The following SGCZ variants were observed in gnomAD, a reference collection of about 807,000 sequenced individuals.
The protein encoded by SGCZ is zeta-sarcoglycan.
In SGCZ, 40 loss-of-function variants were observed where a neutral mutation model predicts 41.3. The ratio of observed to expected loss-of-function variants is 0.97; its 90% CI spans 0.75 to 1.26. The LOEUF (loss-of-function observed/expected upper bound fraction) is 1.26. Among genes scored for constraint, SGCZ ranks in the 50% most tolerant of loss-of-function variants. The probability of loss-of-function intolerance (pLI) is 0.00; values close to 1 mark genes in which losing one functional copy is unlikely to be tolerated. For synonymous variants in SGCZ, 206 were observed against 137.5 expected (o/e 1.50, Z -3.49); for missense variants, 552 against 369.8 (o/e 1.49, Z -4.04).
At chr8:14,917,673 C>A (rs890658499) in intron 1 of SGCZ, among the ~76,000 whole-genome samples, 2 of 152,088 alleles carry the variant, frequency 1.3e-5, no homozygotes, top group Admixed American at 1.3e-4. Context: ...CCTATTTCTA[C>A]ACAAGTTTTC....
intron 3 of SGCZ, among the ~76,000 whole-genome samples, chr8:14,303,206 C>T (rs1000104323): frequency 1.3e-4 from 20 of 152,188 alleles, no homozygotes; most frequent in African/African-American, 2.4e-4. Context: ...TGCACCTCAA[C>T]GCATCCTTAA....
Position 14,995,122 on chromosome 8 carries a change from T to C in SGCZ, c.39+242463A>G, listed in dbSNP as rs371717419. On this transcript the variant is annotated intron_variant, in intron 1 of 7. Coordinates refer to ENST00000382080, the MANE Select transcript of SGCZ (RefSeq NM_139167.4). ...TGCTTGCAGAAGTCAATAAAGGGAG[T>C]GCCATCAGAGGCCTTGGGGCCATGG... is the stretch of plus-strand genomic sequence containing the variant. 8.5e-5 allele frequency among the ~76,000 whole-genome samples: 13 copies of C among 152,256 alleles called. No homozygotes were observed. In the East Asian group the frequency reaches 2.5e-3, roughly 29 times the overall value.
chr8:14,603,835 TC>T (rs1221973760), intron 1 of SGCZ, among the ~76,000 whole-genome samples: 1 of 152,154 alleles, frequency 6.6e-6, no homozygotes, highest in Admixed American at 6.5e-5. Context: ...TGTTTTGCAC[TC>T]CTCAGAAAAG....
At chr8:15,149,593 A>G (rs1162265399) in intron 1 of SGCZ, among the ~76,000 whole-genome samples, 2 of 152,074 alleles carry the variant, frequency 1.3e-5, no homozygotes, top group East Asian at 1.9e-4. Flanking sequence ...TAAAACAACA[A>G]TGAAATATCA....
intron 4 of SGCZ, among the ~76,000 whole-genome samples, chr8:14,168,204 A>C (rs1322915562): frequency 6.6e-6 from 1 of 152,206 alleles, no homozygotes; most frequent in African/African-American, 2.4e-5. Flanking sequence ...ATGAGATTCA[A>C]AATTACCAAC....
intron 2 of SGCZ, among the ~76,000 whole-genome samples, chr8:14,375,244 C>A (rs1487508163): frequency 6.6e-6 from 1 of 152,136 alleles, no homozygotes; most frequent in South Asian, 2.1e-4. Flanking sequence ...AACAGTTGTG[C>A]ACTGAATAAT....
At chr8:14,491,213 A>G (rs917047148) in intron 2 of SGCZ, among the ~76,000 whole-genome samples, 5 of 152,126 alleles carry the variant, frequency 3.3e-5, no homozygotes, top group African/African-American at 9.7e-5. Context: ...ACTCCTCCAA[A>G]GCCCTAATGG....
At chr8:14,230,454 C>T (rs1273106228) in intron 4 of SGCZ, among the ~76,000 whole-genome samples, 1 of 152,096 alleles carries the variant, frequency 6.6e-6, no homozygotes, top group African/African-American at 2.4e-5. Flanking sequence ...ATATTCCCCA[C>T]AGAAACCTGG....
At chr8:14,338,155 C>T (rs746844216) in intron 2 of SGCZ, among the ~76,000 whole-genome samples, 1 of 152,120 alleles carries the variant, frequency 6.6e-6, no homozygotes, top group Non-Finnish European at 1.5e-5. Flanking sequence ...AGCTATTGAC[C>T]TTCTTAGCAA....
chr8:14,751,702 C>T (rs932837940), intron 1 of SGCZ, among the ~76,000 whole-genome samples: 4 of 152,056 alleles, frequency 2.6e-5, no homozygotes, highest in African/African-American at 9.7e-5. Flanking sequence ...GTACCTGCCA[C>T]CATGCCCGGC....
At chr8:14,398,344 C>T (rs1209188877) in intron 2 of SGCZ, among the ~76,000 whole-genome samples, 1 of 152,112 alleles carries the variant, frequency 6.6e-6, no homozygotes, top group East Asian at 1.9e-4. Flanking sequence ...TTGAAGGTGT[C>T]CTGATTACTG....
At chr8:14,920,210 A>G (rs1239323262) in intron 1 of SGCZ, among the ~76,000 whole-genome samples, 1 of 152,108 alleles carries the variant, frequency 6.6e-6, no homozygotes, top group African/African-American at 2.4e-5. Context: ...TGCCTAGTGG[A>G]ACAGGATGCC....
rs1434882789 is a variant in SGCZ, at chr8:14,805,635, A to G, written c.40-250709T>C. Among the ~76,000 whole-genome samples, 4 of 147,730 alleles carry G rather than the reference A, an allele frequency of 2.7e-5. No individual in the cohort carries two copies. The South Asian group carries it at 6.7e-4, about 25-fold the overall frequency. ...GACTCCCACACATTAATAATGGGAGACTTTAACACCCCACTGTCAACATTA... is the reference window on the plus strand; with the variant it reads ...GACTCCCACACATTAATAATGGGAGGCTTTAACACCCCACTGTCAACATTA... On this transcript the variant is annotated intron_variant, in intron 1 of 7. Transcript: ENST00000382080.
At chr8:14,478,906 C>T (rs1206593137) in intron 2 of SGCZ, among the ~76,000 whole-genome samples, 1 of 152,126 alleles carries the variant, frequency 6.6e-6, no homozygotes, top group African/African-American at 2.4e-5. Context: ...TACATCTGCT[C>T]ACCTTCCTGT....
At chr8:14,917,843 G>C (rs539042850) in intron 1 of SGCZ, among the ~76,000 whole-genome samples, 2 of 152,186 alleles carry the variant, frequency 1.3e-5, no homozygotes, top group South Asian at 2.1e-4. Context: ...CATTAATTAG[G>C]AGGTTAGTAT....
At chr8:14,621,971 G>A (rs1430262007) in intron 1 of SGCZ, among the ~76,000 whole-genome samples, 1 of 152,018 alleles carries the variant, frequency 6.6e-6, no homozygotes, top group Non-Finnish European at 1.5e-5. Flanking sequence ...TCCCCGCCAA[G>A]TCTATATATC....
chr8:15,203,205 G>T (rs950369594), intron 1 of SGCZ, among the ~76,000 whole-genome samples: 2 of 152,206 alleles, frequency 1.3e-5, no homozygotes, highest in East Asian at 3.9e-4. Flanking sequence ...CTGGAAGTTT[G>T]TATTCTTTCC....
At chr8:14,786,036 T>C (rs1157794093) in intron 1 of SGCZ, among the ~76,000 whole-genome samples, 1 of 151,996 alleles carries the variant, frequency 6.6e-6, no homozygotes, top group Non-Finnish European at 1.5e-5. Flanking sequence ...TCCCCTTTAT[T>C]TTTAAGACTT....
intron 1 of SGCZ, among the ~76,000 whole-genome samples, chr8:14,865,047 T>C (rs1803878678): frequency 6.6e-6 from 1 of 152,106 alleles, no homozygotes; most frequent in Non-Finnish European, 1.5e-5. Context: ...GGATTAATCC[T>C]TGTCAGATTT....
Sources: gnomAD v4.1 joint callset for allele counts (sites outside exome capture counted in the v4.1 genomes callset) on GRCh38, gnomAD v4.1.1 for gene constraint, MANE v1.5 for transcripts, NCBI Gene and HGNC (gene_info 2026-07-23, HGNC 2026-07-21) for gene names.